MASP2: variants seen among roughly 807,000 people sequenced by gnomAD.
The protein encoded by MASP2 is mannan-binding lectin serine protease 2.
Under a neutral mutation model 57.1 loss-of-function variants are expected in MASP2, and 49 were observed. The ratio of observed to expected loss-of-function variants is 0.86; its 90% CI spans 0.68 to 1.09. The LOEUF (loss-of-function observed/expected upper bound fraction) is 1.09. Among genes scored for constraint, MASP2 ranks in the 50% least tolerant of loss-of-function variants. The pLI, the probability that MASP2 is intolerant of heterozygous loss-of-function variation, is 0.00. For missense variants in MASP2, 900 were observed against 874.8 expected, an observed-to-expected ratio of 1.03 and a Z score of -0.36; for synonymous variants, 379 against 340.8, an observed-to-expected ratio of 1.11 and a Z score of -1.24.
At chr1:11,039,291 G>A (rs1638340483) in intron 6 of MASP2, among the ~76,000 whole-genome samples, 1 of 152,168 alleles carries the variant, frequency 6.6e-6, no homozygotes, top group African/African-American at 2.4e-5. Flanking sequence ...ATCCCTAGTA[G>A]ACATCCATAG....
Position 11,046,877 on chromosome 1 carries a change from C to T in MASP2, c.234+14G>A, listed in dbSNP as rs1297243355. ...CGACCCTGAGAAACCCCAGCCCTCC[C>T]GTCCTGACGGCACCTTGACGAAGTC... is the stretch of plus-strand genomic sequence containing the variant. On this transcript the variant is annotated intron_variant, in intron 2 of 10. Transcript: ENST00000400897. The T allele has an allele frequency of 4.5e-6, 7 of 1,558,104 alleles. No homozygotes were observed. Among genetic ancestry groups the T allele is most frequent in the East Asian group, 4.8e-5 (2 of 41,816 alleles).
Position 11,026,692 on chromosome 1 carries a change from G to A in MASP2, c.*193C>T. On this transcript the variant is annotated 3_prime_UTR_variant, in exon 11 of 11. Coordinates refer to ENST00000400897, the MANE Select transcript of MASP2 (RefSeq NM_006610.4). ...TCACTCTCGTGGTTTATGTCCCCTT[G>A]AGTCAATGGGTAAGGCTGGAATTAA... is the stretch of plus-strand genomic sequence containing the variant. 7.0e-6 allele frequency: 3 copies of A among 426,240 alleles called. No individual in the cohort carries two copies. 26.4% of individuals were successfully genotyped at this position (426,240 alleles called of 1,614,324 possible).
chr1:11,041,647 G>A (rs1290563783), intron 6 of MASP2, among the ~76,000 whole-genome samples: 1 of 83,838 alleles, frequency 1.2e-5, no homozygotes, highest in African/African-American at 4.9e-5. Flanking sequence ...GGAATGATGG[G>A]TAGGTAGAAG....
At chr1:11,039,330 G>GTGGATGGA (rs57562185) in intron 6 of MASP2, among the ~76,000 whole-genome samples, 3 of 147,010 alleles carry the variant, frequency 2.0e-5, no homozygotes, top group Middle Eastern at 3.6e-3. Context: ...TGGAAGGATG[G>GTGGATGGA]TGGATGGATG....
chr1:11,028,350 T>C (rs566342472), intron 10 of MASP2, among the ~76,000 whole-genome samples: 3 of 152,326 alleles, frequency 2.0e-5, no homozygotes, highest in South Asian at 4.1e-4. Flanking sequence ...GTAAAATGGG[T>C]ATTTATGTAA....
chr1:11,041,294 AGGAT>A (rs1174009440), intron 6 of MASP2, among the ~76,000 whole-genome samples: 1 of 145,836 alleles, frequency 6.9e-6, no homozygotes, highest in Non-Finnish European at 1.5e-5. Context: ...GATGGATAGA[AGGAT>A]GGATGGATGG....
intron 10 of MASP2, among the ~76,000 whole-genome samples, chr1:11,028,860 C>A (rs1643790430): frequency 6.6e-6 from 1 of 151,414 alleles, no homozygotes; most frequent in African/African-American, 2.4e-5. Context: ...ACTACAGGCA[C>A]ACGCCACCAC....
chr1:11,041,119 A>ATGAG (rs1638415404), intron 6 of MASP2, among the ~76,000 whole-genome samples: 1 of 148,198 alleles, frequency 6.7e-6, no homozygotes, highest in African/African-American at 2.5e-5. Context: ...GGATGGATGG[A>ATGAG]TGGATGGATG....
At chr1:11,036,510 C>CAAAAAAAAAAAAAAAAAAA (rs35642467) in intron 7 of MASP2, among the ~76,000 whole-genome samples, 4 of 54,348 alleles carry the variant, frequency 7.4e-5, no homozygotes, top group African/African-American at 1.2e-4. Flanking sequence ...GACTCCGTCT[C>CAAAAAAAAAAAAAAAAAAA]AAAAAAAAAA....
chr1:11,034,773 G>T (rs1166246213), intron 8 of MASP2, 55 bp downstream of exon 8: 35 of 1,122,264 alleles, frequency 3.1e-5, no homozygotes, highest in Non-Finnish European at 4.1e-5. Flanking sequence ...AGCAACAGTA[G>T]CAGCAGAGGG....
intron 10 of MASP2, among the ~76,000 whole-genome samples, chr1:11,027,980 G>C (rs910284087): frequency 3.9e-5 from 6 of 152,180 alleles, no homozygotes; most frequent in Admixed American, 6.5e-5. Flanking sequence ...CCAGCACTTT[G>C]GGAGGCTGAG....
intron 6 of MASP2, among the ~76,000 whole-genome samples, chr1:11,040,210 C>T (rs1638382747): frequency 6.6e-6 from 1 of 150,982 alleles, no homozygotes; most frequent in African/African-American, 2.4e-5. Context: ...GTGGCTCACG[C>T]CTGTAATCCC....
chr1:11,030,612 C>G, intron 9 of MASP2, 136 bp downstream of exon 9: 6 of 953,692 alleles, frequency 6.3e-6, no homozygotes, highest in Non-Finnish European at 9.1e-6. Flanking sequence ...TATAATATTT[C>G]ACTTAGCGGA....
chr1:11,041,135 AAGGATGTG>A (rs1638417443), intron 6 of MASP2, among the ~76,000 whole-genome samples: 1 of 145,040 alleles, frequency 6.9e-6, no homozygotes. Flanking sequence ...GGATGGATGG[AAGGATGTG>A]TTGGTAGAAG....
At chr1:11,044,927 G>C in intron 4 of MASP2, 1 of 1,607,368 alleles carries the variant, frequency 6.2e-7, no homozygotes, top group Non-Finnish European at 8.5e-7. Flanking sequence ...GCAGGCCGGA[G>C]CTCCAGGGGA....
At position 11,037,706 on chromosome 1, in the gene MASP2, T is replaced by C. The variant is rs780695702; in HGVS notation, c.995A>G (p.Tyr332Cys). Residue 332 changes from tyrosine to cysteine, a missense_variant, in exon 7 of 11, where the codon TAT becomes TGT. Transcript: ENST00000400897. ...DSFSIFCETG[Y>C]ELLQGHLPLK... ...GTTTTAACTCACTTGCAGAAGCTCA[T>C]AGCCAGTCTCGCAAAAGATGGAGAA... The C allele has an allele frequency of 5.0e-6, 8 of 1,609,762 alleles. No homozygotes were observed. Among genetic ancestry groups the C allele is most frequent in the Non-Finnish European group, 5.1e-6 (6 of 1,178,084 alleles).
chr1:11,044,761 T>TGCC, intron 4 of MASP2: 22 of 1,313,578 alleles, frequency 1.7e-5, no homozygotes, highest in Admixed American at 2.2e-5. Context: ...CCCCGCCGCC[T>TGCC]CCCGACCCTC....
Position 11,027,144 on chromosome 1 carries a change from G to GC in MASP2, c.1801dup (p.Ala601GlyfsTer3), listed in dbSNP as rs1469654765. Reference sequence around the variant, plus strand: ...CCTTGGATAGGGTGGCTTTTCATATGCAGCAGTACATTTTTGATGGTCAAC... The same window carrying GC: ...CCTTGGATAGGGTGGCTTTTCATATGCCAGCAGTACATTTTTGATGGTCAAC... On this transcript the variant is annotated frameshift_variant, in exon 11 of 11. Transcript: ENST00000400897. LOFTEE classifies it high-confidence loss of function. 6.2e-7 allele frequency: 1 copy of GC among 1,613,582 alleles called. No individual in the cohort carries two copies. Among genetic ancestry groups the GC allele is most frequent in the Admixed American group, 1.7e-5 (1 of 59,904 alleles).
intron 9 of MASP2, 82 bp from the exon 10 acceptor site, chr1:11,030,332 G>A (rs1356473796): frequency 1.0e-6 from 1 of 956,050 alleles, no homozygotes; most frequent in Non-Finnish European, 1.6e-6. Flanking sequence ...CTTGAAAAAT[G>A]TTGATTCTTG....
Sources: allele counts gnomAD v4.1 joint callset (sites outside exome capture counted in the v4.1 genomes callset), GRCh38; gene constraint gnomAD v4.1.1; transcripts MANE v1.5; gene names NCBI Gene and HGNC (gene_info 2026-07-23, HGNC 2026-07-21).